WDHD1: variants seen among roughly 807,000 people sequenced by gnomAD.
The protein encoded by WDHD1 is WD repeat and HMG-box DNA-binding protein 1.
Under a neutral mutation model 135.4 loss-of-function variants are expected in WDHD1, and 111 were observed. That is an observed-to-expected ratio of 0.82 (90% CI 0.70 to 0.96). WDHD1 has a LOEUF of 0.96. Among genes scored for constraint, WDHD1 ranks in the 40% least tolerant of loss-of-function variants. WDHD1 has a pLI of 0.00. For synonymous variants in WDHD1, 434 were observed against 439.0 expected (o/e 0.99, Z 0.14); for missense variants, 1,351 against 1,336.3 (o/e 1.01, Z -0.17).
chr14:54,989,517 T>C (rs1456880526), intron 12 of WDHD1, among the ~76,000 whole-genome samples: 2 of 152,158 alleles, frequency 1.3e-5, no homozygotes, highest in African/African-American at 4.8e-5. Context: ...ACATTACAGT[T>C]GTCCTTTGAA....
intron 16 of WDHD1, among the ~76,000 whole-genome samples, chr14:54,976,734 A>G (rs995913776): frequency 6.6e-5 from 10 of 152,122 alleles, no homozygotes; most frequent in Admixed American, 2.0e-4. Context: ...GCTATATACC[A>G]AAAAATAAAT....
At chr14:54,982,026 G>A (rs993826056) in intron 15 of WDHD1, among the ~76,000 whole-genome samples, 17 of 146,802 alleles carry the variant, frequency 1.2e-4, no homozygotes, top group South Asian at 2.1e-4. Flanking sequence ...TTTTTTTTTC[G>A]AGATGGAGTC....
At position 55,027,067 on chromosome 14, in the gene WDHD1, C is replaced by A. The variant is rs1594605212; in HGVS notation, c.-56G>T. The A allele has an allele frequency of 7.1e-6, 3 of 422,850 alleles. No individual in the cohort carries two copies. Among genetic ancestry groups the A allele is most frequent in the South Asian group, 5.5e-5 (2 of 36,654 alleles). The allele number at this position is 422,850 out of a possible 1,614,324, so 26.2% of individuals were successfully genotyped here. A position where few individuals can be genotyped will look rare whatever the true frequency, so the allele number is the denominator to read the frequency against. ...CTCCGCCACTGAGGATCCACAAGAG[C>A]TGCTTCCCGCGCTTCGGCTCGCTCA... is the stretch of plus-strand genomic sequence containing the variant. On this transcript the variant is annotated 5_prime_UTR_variant, in exon 1 of 26. Coordinates refer to ENST00000360586, the MANE Select transcript of WDHD1 (RefSeq NM_007086.4).
At chr14:55,024,346 G>A (rs901783680) in intron 2 of WDHD1, among the ~76,000 whole-genome samples, 3 of 152,152 alleles carry the variant, frequency 2.0e-5, no homozygotes, top group South Asian at 2.1e-4. Flanking sequence ...TTCTTCAAGT[G>A]TTCCTGTTAT....
intron 11 of WDHD1, among the ~76,000 whole-genome samples, chr14:54,994,595 T>C (rs9805952): frequency 0.43 from 64,611 of 151,786 alleles, 15,540 homozygotes; most frequent in African/African-American, 0.66. Flanking sequence ...ACCCCATCTC[T>C]ACTAAAAATA....
chr14:54,974,778 G>A (rs1245739987), intron 16 of WDHD1, among the ~76,000 whole-genome samples: 1 of 152,180 alleles, frequency 6.6e-6, no homozygotes, highest in East Asian at 1.9e-4. Context: ...AGTGAGATGA[G>A]ATTGTGCCAC....
Position 54,941,397 on chromosome 14 carries a change from AAT to A in WDHD1, c.*91_*92del, listed in dbSNP as rs149068494. 45,388 of 1,048,524 alleles carry A rather than the reference AAT, an allele frequency of 0.043. 1,780 individuals are homozygous for A. Among genetic ancestry groups the A allele is most frequent in the African/African-American group, 0.18 (11,266 of 62,064 alleles). 65.0% of individuals were successfully genotyped at this position (1,048,524 alleles called of 1,614,324 possible). A position where few individuals can be genotyped will look rare whatever the true frequency, so the allele number is the denominator to read the frequency against. On this transcript the variant is annotated 3_prime_UTR_variant, in exon 26 of 26. Coordinates refer to ENST00000360586, the MANE Select transcript of WDHD1 (RefSeq NM_007086.4). The stretch of plus-strand genomic sequence containing the variant: ...AACAGTTGCTTCAAACTCTTTAAAA[AAT>A]ATATATATAATGAGTTTCCCAAAGA...
At position 54,963,154 on chromosome 14, in the gene WDHD1, G is replaced by A. The variant is rs747024803; in HGVS notation, c.2329C>T (p.Arg777Ter). Residue 777 changes from arginine (R) to a stop codon, truncating the protein, a stop_gained, in exon 19 of 26, where the codon CGA becomes TGA. Coordinates refer to ENST00000360586, the MANE Select transcript of WDHD1 (RefSeq NM_007086.4). LOFTEE classifies it high-confidence loss of function. The part of the protein sequence containing the change: ...KMLALSCKLE[R>*]EFRCVELADL... ...GCAAGTTCCACACAACGGAATTCTC[G>A]CTCCAGTTTACAAGAAAGCTAATCC... The A allele has an allele frequency of 9.3e-6, 7 of 755,362 alleles. No homozygotes were observed. The highest frequency in any genetic ancestry group is 2.2e-5 in the African/African-American group (1 of 44,902). 46.8% of individuals were successfully genotyped at this position (755,362 alleles called of 1,614,324 possible). A position where few individuals can be genotyped will look rare whatever the true frequency, so the allele number is the denominator to read the frequency against.
intron 24 of WDHD1, among the ~76,000 whole-genome samples, chr14:54,954,009 T>C (rs979432275): frequency 5.3e-5 from 8 of 151,574 alleles, no homozygotes; most frequent in South Asian, 2.1e-4. Flanking sequence ...CATTAGGAGA[T>C]ATACCTAATG....
chr14:54,991,516 T>C (rs73266060), intron 11 of WDHD1, 116 bp from the exon 12 acceptor site: 106,502 of 982,762 alleles, frequency 0.11, 6,558 homozygotes, highest in South Asian at 0.17. Flanking sequence ...TGACATGCTA[T>C]TTGCCTCTTT....
chr14:54,992,473 G>C (rs535193580), intron 11 of WDHD1, among the ~76,000 whole-genome samples: 3 of 152,322 alleles, frequency 2.0e-5, no homozygotes, highest in African/African-American at 7.2e-5. Flanking sequence ...CTGGGTGACA[G>C]AGCAAGACTC....
At chr14:55,025,215 C>T (rs1002963073) in intron 2 of WDHD1, among the ~76,000 whole-genome samples, 2 of 147,696 alleles carry the variant, frequency 1.4e-5, no homozygotes, top group Non-Finnish European at 3.0e-5. Flanking sequence ...TAATCCTTTA[C>T]ATTGTCTATG....
intron 3 of WDHD1, among the ~76,000 whole-genome samples, chr14:55,012,703 G>C (rs556854299): frequency 6.6e-6 from 1 of 152,074 alleles, no homozygotes; most frequent in African/African-American, 2.4e-5. Context: ...TCTTCTTATT[G>C]CATCATCCCA....
At chr14:55,002,681 C>G (rs1160682129) in intron 7 of WDHD1, among the ~76,000 whole-genome samples, 1 of 152,094 alleles carries the variant, frequency 6.6e-6, no homozygotes, top group Non-Finnish European at 1.5e-5. Context: ...TCACAGCTTA[C>G]TGAGCCTCAA....
chr14:55,017,471 T>C (rs970428167), intron 2 of WDHD1, among the ~76,000 whole-genome samples: 1 of 151,938 alleles, frequency 6.6e-6, no homozygotes, highest in Non-Finnish European at 1.5e-5. Flanking sequence ...GCCTCCCAAG[T>C]AGCTAGTATT....
intron 16 of WDHD1, among the ~76,000 whole-genome samples, chr14:54,967,713 C>T (rs1158941642): frequency 6.6e-6 from 1 of 152,054 alleles, no homozygotes; most frequent in Non-Finnish European, 1.5e-5. Flanking sequence ...CCCAACCTCC[C>T]AAGTTCAAGC....
intron 2 of WDHD1, among the ~76,000 whole-genome samples, chr14:55,022,668 A>G (rs1414023319): frequency 6.6e-6 from 1 of 151,868 alleles, no homozygotes; most frequent in Non-Finnish European, 1.5e-5. Flanking sequence ...TGAGACAGCT[A>G]GACTCCATCT....
At position 54,956,915 on chromosome 14, in the gene WDHD1, C is replaced by T. The variant is rs932852327; in HGVS notation, c.2916+119G>A. On this transcript the variant is annotated intron_variant, in intron 23 of 25. Transcript: ENST00000360586. ...GCAAAAACAGAATTGAACCCACTTC[C>T]CTAGCAAGACAATTGTAAACAATCA... 2.8e-5 allele frequency: 37 copies of T among 1,303,098 alleles called. No homozygotes were observed. The Middle Eastern group carries it at 8.0e-4, about 28-fold the overall frequency. The allele number at this position is 1,303,098 out of a possible 1,614,324, so 80.7% of individuals were successfully genotyped here. A position where few individuals can be genotyped will look rare whatever the true frequency, so the allele number is the denominator to read the frequency against.
chr14:54,955,781 T>A (rs1261002264), intron 23 of WDHD1, 87 bp from the exon 24 acceptor site: 3 of 1,158,966 alleles, frequency 2.6e-6, no homozygotes, highest in Middle Eastern at 3.3e-4. Flanking sequence ...TGAAGAAACA[T>A]CTATAATTAT....
Sources: gnomAD v4.1 joint callset for allele counts (sites outside exome capture counted in the v4.1 genomes callset) on GRCh38, gnomAD v4.1.1 for gene constraint, MANE v1.5 for transcripts, NCBI Gene and HGNC (gene_info 2026-07-23, HGNC 2026-07-21) for gene names.